The following CEP128 variants were observed in gnomAD, a reference collection of about 807,000 sequenced individuals.
CEP128 encodes centrosomal protein 128.
A neutral mutation model predicts 156.7 loss-of-function variants in CEP128; 132 were observed. The observed-to-expected ratio is 0.84, with a 90% CI of 0.73 to 0.97. CEP128 has a LOEUF of 0.97. Ranked by LOEUF, CEP128 falls within the 50% of genes least tolerant of loss-of-function variation. The pLI is 0.00. For missense variants in CEP128, 1,252 were observed against 1,281.9 expected (o/e 0.98, Z 0.36); for synonymous variants, 469 against 448.9 (o/e 1.04, Z -0.57).
chr14:80,648,499 C>T (rs891155816), intron 19 of CEP128, among the ~76,000 whole-genome samples: 6 of 151,974 alleles, frequency 3.9e-5, no homozygotes, highest in African/African-American at 1.4e-4. Flanking sequence ...CTTTGGTATA[C>T]TTCATTTCTT....
At chr14:80,718,236 A>G (rs1377069991) in intron 19 of CEP128, among the ~76,000 whole-genome samples, 1 of 152,210 alleles carries the variant, frequency 6.6e-6, no homozygotes, top group Admixed American at 6.6e-5. Flanking sequence ...TGTATAAATT[A>G]TCAATGTCAA....
At chr14:80,869,670 A>C (rs1271485949) in intron 8 of CEP128, among the ~76,000 whole-genome samples, 1 of 152,030 alleles carries the variant, frequency 6.6e-6, no homozygotes, top group African/African-American at 2.4e-5. Context: ...TTGTTTGGGT[A>C]AACTTTTATT....
At chr14:80,717,476 C>A (rs1897649289) in intron 19 of CEP128, among the ~76,000 whole-genome samples, 1 of 152,042 alleles carries the variant, frequency 6.6e-6, no homozygotes, top group African/African-American at 2.4e-5. Flanking sequence ...TGACTTAGAA[C>A]AAATTAAATA....
intron 9 of CEP128, among the ~76,000 whole-genome samples, chr14:80,855,495 A>G (rs368847846): frequency 1.3e-5 from 2 of 152,330 alleles, no homozygotes; most frequent in African/African-American, 4.8e-5. Flanking sequence ...ATAATAGGGA[A>G]AGGAAAACTT....
intron 19 of CEP128, among the ~76,000 whole-genome samples, chr14:80,679,613 G>A (rs1210252852): frequency 6.6e-6 from 1 of 152,148 alleles, no homozygotes; most frequent in Non-Finnish European, 1.5e-5. Flanking sequence ...GGCAATACAT[G>A]CACAGCTAAA....
intron 19 of CEP128, among the ~76,000 whole-genome samples, chr14:80,680,624 T>C (rs1331432053): frequency 6.6e-6 from 1 of 152,250 alleles, no homozygotes; most frequent in South Asian, 2.1e-4. Flanking sequence ...AATTGTGGTA[T>C]AGTAGGACCC....
At chr14:80,781,455 CAAAAAAAAAAAA>C (rs67179008) in intron 15 of CEP128, among the ~76,000 whole-genome samples, 4 of 90,518 alleles carry the variant, frequency 4.4e-5, no homozygotes, top group Non-Finnish European at 6.2e-5. Context: ...GACTCCGTCT[CAAAAAAAAAAAA>C]AAAAAAAAGT....
intron 19 of CEP128, among the ~76,000 whole-genome samples, chr14:80,600,983 C>A (rs547800481): frequency 6.6e-6 from 1 of 151,114 alleles, no homozygotes; most frequent in Non-Finnish European, 1.5e-5. Context: ...GAAGAATATA[C>A]ATGAAGATGA....
chr14:80,592,255 T>C lies in CEP128; in HGVS notation c.2807-11832A>G, dbSNP rs548696341. 6.6e-5 allele frequency among the ~76,000 whole-genome samples: 10 copies of C among 151,602 alleles called. No individual in the cohort carries two copies. In the East Asian group the frequency reaches 1.9e-3, roughly 29 times the overall value. On this transcript the variant is annotated intron_variant, in intron 19 of 24. Coordinates refer to ENST00000555265, the MANE Select transcript of CEP128 (RefSeq NM_152446.5). Reference sequence around the variant, plus strand: ...AAAATACTAACAAAATAGACCACTATCCAGATTAATAAGGTAGAAAACAGG... The same window carrying C: ...AAAATACTAACAAAATAGACCACTACCCAGATTAATAAGGTAGAAAACAGG...
In CEP128 at chr14:80,618,853, T is replaced by C. The variant is rs1050768767; in HGVS notation, c.2807-38430A>G. ...CCCAGAGATTCTGGTCCAGCAGACCTGCGTATTTGTATCTCTAGTACATTC... is the reference window on the plus strand; with the variant it reads ...CCCAGAGATTCTGGTCCAGCAGACCCGCGTATTTGTATCTCTAGTACATTC... On this transcript the variant is annotated intron_variant, in intron 19 of 24. Coordinates refer to ENST00000555265, the MANE Select transcript of CEP128 (RefSeq NM_152446.5). Among the ~76,000 whole-genome samples, 12 of 152,326 alleles carry C rather than the reference T, an allele frequency of 7.9e-5. 2 individuals carry two copies. The South Asian group carries it at 2.5e-3, about 32-fold the overall frequency.
rs1892583387 is a variant in CEP128 at position 80,601,571 on chromosome 14, G to T, written c.2807-21148C>A. Among the ~76,000 whole-genome samples, 3 of 152,120 alleles carry T rather than the reference G, an allele frequency of 2.0e-5. No homozygotes were observed. The South Asian group carries it at 6.2e-4, about 32-fold the overall frequency. ...AGAGTATATTTACACAAACCTAGAT[G>T]GTATAGCCTACTGTACAACTAGGCT... On this transcript the variant is annotated intron_variant, in intron 19 of 24. Transcript: ENST00000555265.
intron 12 of CEP128, among the ~76,000 whole-genome samples, chr14:80,834,101 T>C (rs1885951309): frequency 1.3e-5 from 2 of 152,168 alleles, no homozygotes; most frequent in Non-Finnish European, 2.9e-5. Context: ...TTAGGAATTA[T>C]CACCTCTAGG....
intron 23 of CEP128, chr14:80,514,718 T>C: frequency 2.6e-6 from 1 of 380,788 alleles, no homozygotes; most frequent in South Asian, 2.0e-5. Context: ...TATCAGTCTC[T>C]GGTGTGTTAT....
intron 18 of CEP128, among the ~76,000 whole-genome samples, chr14:80,752,674 G>T (rs1899454514): frequency 6.6e-6 from 1 of 152,100 alleles, no homozygotes; most frequent in Non-Finnish European, 1.5e-5. Context: ...TAAATGTAAG[G>T]TTTATATTCA....
chr14:80,706,831 A>G (rs548104481), intron 19 of CEP128, among the ~76,000 whole-genome samples: 1 of 151,250 alleles, frequency 6.6e-6, no homozygotes, highest in African/African-American at 2.4e-5. Context: ...TTTTCAATTT[A>G]TTTTCTCCCT....
At chr14:80,779,194 C>T (rs1210294361) in intron 15 of CEP128, among the ~76,000 whole-genome samples, 1 of 151,980 alleles carries the variant, frequency 6.6e-6, no homozygotes, top group Non-Finnish European at 1.5e-5. Context: ...TGCTTTAATG[C>T]CTAAAATATA....
chr14:80,860,832 T>C (rs1887477553), intron 9 of CEP128, among the ~76,000 whole-genome samples: 1 of 152,074 alleles, frequency 6.6e-6, no homozygotes, highest in African/African-American at 2.4e-5. Context: ...TGAAAAAAAC[T>C]TTAAAAAATC....
Position 80,789,084 on chromosome 14 carries a change from G to A in CEP128, c.1561-3539C>T, listed in dbSNP as rs386472509. On this transcript the variant is annotated intron_variant, in intron 14 of 24. Coordinates refer to ENST00000555265, the MANE Select transcript of CEP128 (RefSeq NM_152446.5). ...TTGCTGTTACTGTTAAGGAGAAGGA[G>A]TGGAAAAAGTGGAAAGTCGGGTTGA... Among the ~76,000 whole-genome samples, 115 of 152,268 alleles carry A rather than the reference G, an allele frequency of 7.6e-4. 1 individual carries two copies. The highest frequency in any genetic ancestry group is 1.4e-3 in the Non-Finnish European group (93 of 68,024).
rs905255123 is a variant in CEP128, at chr14:80,799,666, C to A, written c.1210-6556G>T. Among the ~76,000 whole-genome samples, 3 of 152,070 alleles carry A rather than the reference C, an allele frequency of 2.0e-5. No homozygotes were observed. In the South Asian group the frequency reaches 6.2e-4, roughly 32 times the overall value. On this transcript the variant is annotated intron_variant, in intron 13 of 24. Transcript: ENST00000555265. Reference sequence around the variant, plus strand: ...GCATTCCTAGGGGGAGGTCTATAAACGGCCGCTCTGGGAATGTCTGTCTTG... The same window carrying A: ...GCATTCCTAGGGGGAGGTCTATAAAAGGCCGCTCTGGGAATGTCTGTCTTG...
Sources: allele counts gnomAD v4.1 joint callset (sites outside exome capture counted in the v4.1 genomes callset), GRCh38; gene constraint gnomAD v4.1.1; transcripts MANE v1.5; gene names NCBI Gene and HGNC (gene_info 2026-07-23, HGNC 2026-07-21).